The following CMTR1 variants were observed in gnomAD, a reference collection of about 807,000 sequenced individuals.
CMTR1 encodes cap methyltransferase 1.
A neutral mutation model predicts 107.0 loss-of-function variants in CMTR1; 39 were observed. The ratio of observed to expected loss-of-function variants is 0.36; its 90% CI spans 0.28 to 0.48. The LOEUF is 0.48. Among genes scored for constraint, CMTR1 ranks in the 20% least tolerant of loss-of-function variants. The probability of loss-of-function intolerance (pLI) is 0.99; values close to 1 mark genes in which losing one functional copy is unlikely to be tolerated. For missense variants in CMTR1, 672 were observed against 1,064.9 expected, an observed-to-expected ratio of 0.63 and a Z score of 5.14; for synonymous variants, 366 against 379.5, an observed-to-expected ratio of 0.96 and a Z score of 0.41.
rs1324475535 is a variant in CMTR1, at chr6:37,472,920, CTGGTCCTCAGAGTTCT to C, written c.1689+435_1689+450del. On this transcript the variant is annotated intron_variant, in intron 16 of 23. Transcript: ENST00000373451. The surrounding 1 kb of genome is among the most constrained non-coding windows in gnomAD (Gnocchi z 4.1). Reference sequence around the variant, plus strand: ...GGTTCTTTGTCTTATTTCTGGTGAGCTGGTCCTCAGAGTTCTTTTGCCCTGTTTCTTCTACCACTCA... The same window carrying C: ...GGTTCTTTGTCTTATTTCTGGTGAGCTTTGCCCTGTTTCTTCTACCACTCA... Among the ~76,000 whole-genome samples the C allele has an allele frequency of 6.6e-6, 1 of 152,188 alleles. No homozygotes were observed. The highest frequency in any genetic ancestry group is 1.5e-5 in the Non-Finnish European group (1 of 68,038).
At position 37,464,589 on chromosome 6, in the gene CMTR1, T is replaced by C. The variant is rs1398451745; in HGVS notation, c.1505+1581T>C. Among the ~76,000 whole-genome samples, 3 of 152,230 alleles carry C rather than the reference T, an allele frequency of 2.0e-5. No homozygotes were observed. In the South Asian group the frequency reaches 6.2e-4, roughly 31 times the overall value. On this transcript the variant is annotated intron_variant, in intron 13 of 23. Coordinates refer to ENST00000373451, the MANE Select transcript of CMTR1 (RefSeq NM_015050.3). ...TATCACCACAAGTTAGTTTTACTTT[T>C]GTATTTTGTGTCTGGGATTTTTTCC...
At position 37,458,871 on chromosome 6, in the gene CMTR1, G is replaced by C; in HGVS notation, c.976+61G>C. 6.7e-7 allele frequency: 1 copy of C among 1,489,932 alleles called. No individual in the cohort carries two copies. Among genetic ancestry groups the C allele is most frequent in the Non-Finnish European group, 9.3e-7 (1 of 1,076,508 alleles). 92.3% of individuals were successfully genotyped at this position (1,489,932 alleles called of 1,614,324 possible). A position where few individuals can be genotyped will look rare whatever the true frequency, so the allele number is the denominator to read the frequency against. ...GGACAGCCCCTCTATGGGGACTTCA[G>C]GTCAGAAGCAGTTGTTATCCACATG... is the stretch of plus-strand genomic sequence containing the variant. On this transcript the variant is annotated intron_variant, in intron 9 of 23. Coordinates refer to ENST00000373451, the MANE Select transcript of CMTR1 (RefSeq NM_015050.3). This position sits in a 1 kb window ranked among gnomAD's most constrained non-coding sequence, Gnocchi z 4.7.
At chr6:37,469,788 A>T (rs1761586255) in intron 13 of CMTR1, among the ~76,000 whole-genome samples, 1 of 151,748 alleles carries the variant, frequency 6.6e-6, no homozygotes, top group African/African-American at 2.4e-5. Flanking sequence ...TTAACTTTCC[A>T]AAGTGCTGGG....
At position 37,458,216 on chromosome 6, in the gene CMTR1, G is replaced by A. The variant is rs959692532; in HGVS notation, c.778-396G>A. Among the ~76,000 whole-genome samples, 2 of 151,886 alleles carry A rather than the reference G, an allele frequency of 1.3e-5. No individual in the cohort carries two copies. The highest frequency in any genetic ancestry group is 4.8e-5 in the African/African-American group (2 of 41,332). On this transcript the variant is annotated intron_variant, in intron 8 of 23. Transcript: ENST00000373451. This position sits in a 1 kb window ranked among gnomAD's most constrained non-coding sequence, Gnocchi z 4.7. ...TTTACAGGTGTGCGCCACCACACCT[G>A]GCTAATTTTTTGTATTTTTAGTAGA...
Position 37,454,403 on chromosome 6 carries a change from G to T in CMTR1, c.777+1091G>T, listed in dbSNP as rs1395924569. Among the ~76,000 whole-genome samples the T allele has an allele frequency of 3.3e-5, 5 of 152,202 alleles. No individual in the cohort carries two copies. In the East Asian group the frequency reaches 7.7e-4, roughly 23 times the overall value. ...CCTTCCCATTCTCCAGTACCAGCAG[G>T]CAGCACAAAAGGGCTCTTGGAATTA... On this transcript the variant is annotated intron_variant, in intron 8 of 23. Transcript: ENST00000373451.
chr6:37,476,277 T>G, intron 20 of CMTR1, 83 bp downstream of exon 20: 1 of 1,412,564 alleles, frequency 7.1e-7, no homozygotes, highest in Non-Finnish European at 1.0e-6. Flanking sequence ...GAGGGCTCAG[T>G]GGAGGGCACT....
chr6:37,466,150 G>A (rs1284834748), intron 13 of CMTR1, among the ~76,000 whole-genome samples: 1 of 116,474 alleles, frequency 8.6e-6, no homozygotes, highest in Admixed American at 1.2e-4. Context: ...GTCTTGCTCT[G>A]TTACCAGGCT....
intron 2 of CMTR1, among the ~76,000 whole-genome samples, chr6:37,439,939 G>C (rs1355158639): frequency 6.6e-6 from 1 of 152,142 alleles, no homozygotes; most frequent in African/African-American, 2.4e-5. Flanking sequence ...ATGCCACTGT[G>C]CCCAGCTTGT....
Position 37,462,872 on chromosome 6 carries a change from C to T in CMTR1, c.1369C>T (p.Arg457Trp). The change falls in exon 13 of 24, where the codon CGG (arginine) becomes TGG (tryptophan). Residue 457 changes from arginine to tryptophan, a missense_variant. By Grantham distance (101) the Arg-to-Trp change is moderately radical (BLOSUM62 -3). Transcript: ENST00000373451. ...CCTGAAGGTGGGCATAGATGATGTT[C>T]GGGATTACCTCTTCGCAGTGAATAT... ...KGLKVGIDDV[R>W]DYLFAVNIKL... 3.1e-6 allele frequency: 5 copies of T among 1,613,518 alleles called. No homozygotes were observed. The highest frequency in any genetic ancestry group is 1.1e-5 in the South Asian group (1 of 91,034).
chr6:37,478,370 C>G (rs368368633), intron 21 of CMTR1, 39 bp from the exon 22 acceptor site: 8 of 1,504,068 alleles, frequency 5.3e-6, no homozygotes, highest in African/African-American at 1.4e-5. Flanking sequence ...CAGCCAGGGC[C>G]TTTTCTCTCT....
chr6:37,458,314 C>T lies in CMTR1; in HGVS notation c.778-298C>T, dbSNP rs1761337967. On this transcript the variant is annotated intron_variant, in intron 8 of 23. Transcript: ENST00000373451. This position sits in a 1 kb window ranked among gnomAD's most constrained non-coding sequence, Gnocchi z 4.7. Reference sequence around the variant, plus strand: ...CAGGCTATCTGCCTCTCTGGCCTCCCAAAGTGCTGGGATTACAGGCTTGAG... The same window carrying T: ...CAGGCTATCTGCCTCTCTGGCCTCCTAAAGTGCTGGGATTACAGGCTTGAG... Among the ~76,000 whole-genome samples the T allele has an allele frequency of 6.6e-6, 1 of 152,164 alleles. No individual in the cohort carries two copies. The highest frequency in any genetic ancestry group is 2.4e-5 in the African/African-American group (1 of 41,434).
At chr6:37,447,631 C>A (rs1362055692) in intron 4 of CMTR1, among the ~76,000 whole-genome samples, 1 of 151,950 alleles carries the variant, frequency 6.6e-6, no homozygotes, top group Non-Finnish European at 1.5e-5. Flanking sequence ...GAGGCCGAGG[C>A]GGGTGGATCA....
intron 1 of CMTR1, among the ~76,000 whole-genome samples, chr6:37,433,614 G>A (rs1771446195): frequency 6.6e-6 from 1 of 152,208 alleles, no homozygotes. Flanking sequence ...TCAAATGAAG[G>A]GACTGGCCGG....
At chr6:37,426,910 A>G in the CMTR1 span, among the ~76,000 whole-genome samples, 6 of 152,208 alleles carry the variant, frequency 3.9e-5, no homozygotes, top group African/African-American at 1.4e-4. Context: ...GGCTTGAAAC[A>G]AATGGGGAAA....
rs370773282 is a variant in CMTR1, at chr6:37,458,598, A to C, written c.778-14A>C. On this transcript the variant is annotated splice_polypyrimidine_tract_variant and intron_variant, in intron 8 of 23. Transcript: ENST00000373451. The surrounding 1 kb of genome is among the most constrained non-coding windows in gnomAD (Gnocchi z 4.7). ...TGTTTTCCTTCCTCTCCTGTCCTCC[A>C]CTTGCCTTTGCAGAAGCCACTGGTG... is the stretch of plus-strand genomic sequence containing the variant. The C allele has an allele frequency of 1.2e-5, 19 of 1,612,146 alleles. No individual in the cohort carries two copies. In the African/African-American group the frequency reaches 2.5e-4, roughly 22 times the overall value.
rs1399469264 is a variant in CMTR1, at chr6:37,480,939, T to C, written c.*794T>C. 3.2e-6 allele frequency: 4 copies of C among 1,232,716 alleles called. No individual in the cohort carries two copies. In the Admixed American group the frequency reaches 1.2e-4, roughly 36 times the overall value. 76.4% of individuals were successfully genotyped at this position (1,232,716 alleles called of 1,614,324 possible). ...CAGGAAGCAGCCTTGAAGACCCGTC[T>C]TTCCCCCACAGCAGCAGGGGCCCCA... On this transcript the variant is annotated 3_prime_UTR_variant, in exon 24 of 24. Coordinates refer to ENST00000373451, the MANE Select transcript of CMTR1 (RefSeq NM_015050.3).
chr6:37,428,172 T>G, the CMTR1 span, among the ~76,000 whole-genome samples: 1 of 152,098 alleles, frequency 6.6e-6, no homozygotes, highest in Non-Finnish European at 1.5e-5. Context: ...GACCAAAAAT[T>G]TTTTAGGAAA....
intron 3 of CMTR1, 97 bp from the exon 4 acceptor site, chr6:37,446,194 T>C: frequency 7.6e-7 from 1 of 1,316,438 alleles, no homozygotes; most frequent in Non-Finnish European, 1.1e-6. Context: ...TAATCATCTA[T>C]TTTTCTTAGG....
intron 19 of CMTR1, 144 bp from the exon 20 acceptor site, chr6:37,475,982 G>C (rs1005314448): frequency 4.0e-6 from 3 of 742,978 alleles, no homozygotes; most frequent in Non-Finnish European, 7.1e-6. Flanking sequence ...CGGGCTTCCT[G>C]GGGGACATGG....
Sources: gnomAD v4.1 joint callset for allele counts (sites outside exome capture counted in the v4.1 genomes callset) on GRCh38, gnomAD v4.1.1 for gene constraint, Gnocchi (gnomAD v3.1) non-coding constraint, MANE v1.5 for transcripts, NCBI Gene and HGNC (gene_info 2026-07-23, HGNC 2026-07-21) for gene names.